Variants in MRPS6 observed in about 807,000 individuals in gnomAD.
MRPS6 encodes the protein small ribosomal subunit protein bS6m.
In MRPS6, 6 loss-of-function variants were observed where a neutral mutation model predicts 13.1. The ratio of observed to expected loss-of-function variants is 0.46; its 90% CI spans 0.25 to 0.91. The LOEUF is 0.91. MRPS6 is among the 40% of genes least tolerant of loss of function. The pLI is 0.18. For missense variants in MRPS6, 164 were observed against 155.6 expected, an observed-to-expected ratio of 1.05 and a Z score of -0.29; for synonymous variants, 61 against 56.5, an observed-to-expected ratio of 1.08 and a Z score of -0.36.
At chr21:34,075,716 C>T (rs1989314214) in intron 1 of MRPS6, among the ~76,000 whole-genome samples, 1 of 152,180 alleles carries the variant, frequency 6.6e-6, no homozygotes, top group Non-Finnish European at 1.5e-5. Flanking sequence ...ACAATAGCTT[C>T]TCAGTTATTT....
intron 1 of MRPS6, chr21:34,125,104 C>A: frequency 1.8e-6 from 1 of 548,510 alleles, no homozygotes; most frequent in Non-Finnish European, 2.8e-6. Flanking sequence ...GGTCCCTGAA[C>A]TCTCCGAAGC....
rs983060594 is a variant in MRPS6 at position 34,073,603 on chromosome 21, G to C, written c.-98G>C. On this transcript the variant is annotated 5_prime_UTR_variant, in exon 1 of 3. Transcript: ENST00000399312. ...GCTTTCGCCGCCTGGGAGCCGTCCG[G>C]CGCAGCAGTTTCTAGGTCCCCACTG... 6.7e-5 allele frequency: 73 copies of C among 1,084,536 alleles called. No individual in the cohort carries two copies. Among genetic ancestry groups the C allele is most frequent in the Non-Finnish European group, 8.9e-5 (68 of 763,976 alleles). 67.2% of individuals were successfully genotyped at this position (1,084,536 alleles called of 1,614,324 possible).
rs376248791 is a variant in MRPS6 at position 34,073,728 on chromosome 21, C to T, written c.28C>T (p.Leu10=). The part of the protein sequence containing the change: MPRYELALI[L]KAMQRPETAA... ...GCCCCGCTACGAGCTGGCTTTAATCCTGAAAGCCATGCAGCGGGTAAGTGA... is the reference window on the plus strand; with the variant it reads ...GCCCCGCTACGAGCTGGCTTTAATCTTGAAAGCCATGCAGCGGGTAAGTGA... The change falls in exon 1 of 3, where the codon CTG becomes TTG. Residue 10 remains leucine, a synonymous_variant. Coordinates refer to ENST00000399312, the MANE Select transcript of MRPS6 (RefSeq NM_032476.4). 1.3e-6 allele frequency: 2 copies of T among 1,529,558 alleles called. No homozygotes were observed. Among genetic ancestry groups the T allele is most frequent in the Non-Finnish European group, 8.8e-7 (1 of 1,133,052 alleles). 94.7% of individuals were successfully genotyped at this position (1,529,558 alleles called of 1,614,324 possible).
chr21:34,074,365 C>A (rs1466249960), intron 1 of MRPS6, among the ~76,000 whole-genome samples: 3 of 152,242 alleles, frequency 2.0e-5, no homozygotes, highest in African/African-American at 4.8e-5. Context: ...TTTCTGACTT[C>A]AGCGAAAATC....
In MRPS6 at chr21:34,102,035, A is replaced by G. The variant is rs150207843; in HGVS notation, c.46-23306A>G. 3.9e-4 allele frequency: 394 copies of G among 1,000,134 alleles called. 3 individuals are homozygous for G. In the African/African-American group the frequency reaches 6.4e-3, roughly 16 times the overall value. The allele number at this position is 1,000,134 out of a possible 1,614,324, so 62.0% of individuals were successfully genotyped here. A position where few individuals can be genotyped will look rare whatever the true frequency, so the allele number is the denominator to read the frequency against. The stretch of plus-strand genomic sequence containing the variant: ...GAGGAACCCTTTTGTACTGGAACGT[A>G]TGAGGCTGGATTGTGAAAAGGTAAT... On this transcript the variant is annotated intron_variant, in intron 1 of 2. Transcript: ENST00000399312.
intron 1 of MRPS6, among the ~76,000 whole-genome samples, chr21:34,094,431 C>G (rs1978866950): frequency 6.6e-6 from 1 of 152,138 alleles, no homozygotes; most frequent in African/African-American, 2.4e-5. Context: ...CATAAAGTTA[C>G]CCCCAAACTC....
chr21:34,089,766 G>C (rs1189474680), intron 1 of MRPS6, among the ~76,000 whole-genome samples: 1 of 152,170 alleles, frequency 6.6e-6, no homozygotes, highest in Admixed American at 6.5e-5. Flanking sequence ...TCACCCATCA[G>C]AATACAGCTT....
intron 1 of MRPS6, among the ~76,000 whole-genome samples, chr21:34,089,946 C>G (rs1429639875): frequency 3.9e-5 from 6 of 152,166 alleles, no homozygotes; most frequent in Non-Finnish European, 7.3e-5. Context: ...ATCTTAAATG[C>G]TTGGGACCAG....
intron 2 of MRPS6, among the ~76,000 whole-genome samples, chr21:34,131,390 T>C (rs1194884641): frequency 6.6e-6 from 1 of 152,166 alleles, no homozygotes; most frequent in Non-Finnish European, 1.5e-5. Flanking sequence ...AGGAGGAAGT[T>C]GGGGCAGAGG....
chr21:34,142,322 G>C, intron 2 of MRPS6, 86 bp from the exon 3 acceptor site: 13 of 1,432,946 alleles, frequency 9.1e-6, no homozygotes, highest in Non-Finnish European at 1.2e-5. Flanking sequence ...TGTCTGTCTA[G>C]GAAGAGTAAA....
At chr21:34,133,453 A>G (rs1054878617) in intron 2 of MRPS6, among the ~76,000 whole-genome samples, 2 of 152,232 alleles carry the variant, frequency 1.3e-5, no homozygotes, top group Non-Finnish European at 2.9e-5. Flanking sequence ...CTAGCTCACA[A>G]GCTTCTAACC....
chr21:34,099,237 AATAG>A (rs1364081870), intron 1 of MRPS6: 17 of 1,000,132 alleles, frequency 1.7e-5, no homozygotes, highest in Non-Finnish European at 1.9e-5. Context: ...TTGGGGGCCA[AATAG>A]ATAGAGCTCA....
At chr21:34,121,216 T>C (rs946223486) in intron 1 of MRPS6, among the ~76,000 whole-genome samples, 3 of 152,070 alleles carry the variant, frequency 2.0e-5, no homozygotes, top group South Asian at 4.1e-4. Context: ...GATGAAGATA[T>C]CAGAATTGGG....
intron 1 of MRPS6, among the ~76,000 whole-genome samples, chr21:34,117,297 T>C (rs1979958047): frequency 6.6e-6 from 1 of 152,146 alleles, no homozygotes. Context: ...TCGTCTGCTG[T>C]TAGTTCAGAC....
intron 1 of MRPS6, among the ~76,000 whole-genome samples, chr21:34,080,388 G>T (rs1190262034): frequency 6.6e-6 from 1 of 151,768 alleles, no homozygotes; most frequent in Non-Finnish European, 1.5e-5. Flanking sequence ...CATTTTATAT[G>T]CCCAGTAAAC....
Position 34,087,533 on chromosome 21 carries a change from A to G in MRPS6, c.45+13788A>G, listed in dbSNP as rs760004460. Among the ~76,000 whole-genome samples, 149 of 152,222 alleles carry G rather than the reference A, an allele frequency of 9.8e-4. 1 individual carries two copies. Among genetic ancestry groups the G allele is most frequent in the Non-Finnish European group, 1.3e-3 (91 of 68,048 alleles). Reference sequence around the variant, plus strand: ...GACAGAAGAAACGTTTAAGTTTTATAGCGTGTTAGGTGTTGAGTACTATGG... The same window carrying G: ...GACAGAAGAAACGTTTAAGTTTTATGGCGTGTTAGGTGTTGAGTACTATGG... On this transcript the variant is annotated intron_variant, in intron 1 of 2. Transcript: ENST00000399312.
chr21:34,085,196 ACTTTG>A (rs1310798822), intron 1 of MRPS6, among the ~76,000 whole-genome samples: 2 of 152,194 alleles, frequency 1.3e-5, no homozygotes, highest in East Asian at 3.8e-4. Flanking sequence ...TAACAGTGGC[ACTTTG>A]AGGAGTTTTG....
intron 1 of MRPS6, among the ~76,000 whole-genome samples, chr21:34,074,131 G>T (rs974617266): frequency 6.7e-6 from 1 of 148,764 alleles, no homozygotes; most frequent in Non-Finnish European, 1.5e-5. Flanking sequence ...GCCCGTCCCC[G>T]CCAGTCGTGA....
At chr21:34,079,751 C>G (rs1299694384) in intron 1 of MRPS6, among the ~76,000 whole-genome samples, 1 of 151,270 alleles carries the variant, frequency 6.6e-6, no homozygotes, top group Non-Finnish European at 1.5e-5. Context: ...ATGTACAATT[C>G]CATTAACCTT....
Sources: allele counts gnomAD v4.1 joint callset (sites outside exome capture counted in the v4.1 genomes callset), GRCh38; gene constraint gnomAD v4.1.1; transcripts MANE v1.5; gene names NCBI Gene and HGNC (gene_info 2026-07-23, HGNC 2026-07-21).